The following LDLRAD4 variants were observed in gnomAD, a reference collection of about 807,000 sequenced individuals.
The protein encoded by LDLRAD4 is low density lipoprotein receptor class A domain containing 4, also known as low-density lipoprotein receptor class A domain-containing protein 4.
Under a neutral mutation model 17.0 loss-of-function variants are expected in LDLRAD4, and 5 were observed. That is an observed-to-expected ratio of 0.29 (90% CI 0.15 to 0.62). The LOEUF (loss-of-function observed/expected upper bound fraction) is 0.62. Among genes scored for constraint, LDLRAD4 ranks in the 20% least tolerant of loss-of-function variants. The pLI is 0.84. For missense variants in LDLRAD4, 340 were observed against 424.7 expected (o/e 0.80, Z 1.75); for synonymous variants, 168 against 171.8 (o/e 0.98, Z 0.17).
chr18:13,554,496 A>T (rs763784690), intron 3 of LDLRAD4, among the ~76,000 whole-genome samples: 3 of 152,054 alleles, frequency 2.0e-5, no homozygotes, highest in Non-Finnish European at 4.4e-5. Flanking sequence ...GTCAGGTCTC[A>T]TGTGTAAGGG....
chr18:13,445,961 ATAT>A (rs1446459282), intron 3 of LDLRAD4, among the ~76,000 whole-genome samples: 1 of 152,156 alleles, frequency 6.6e-6, no homozygotes, highest in African/African-American at 2.4e-5. Flanking sequence ...AATGAGGATA[ATAT>A]TGGTATCTCT....
chr18:13,531,846 GGGAGCGGCCATATGCA>G (rs1301241273), intron 3 of LDLRAD4, among the ~76,000 whole-genome samples: 6 of 152,142 alleles, frequency 3.9e-5, no homozygotes, highest in East Asian at 3.9e-4. Context: ...CTCTGAGGGC[GGGAGCGGCCATATGCA>G]GGAGGCTGCG....
intron 3 of LDLRAD4, among the ~76,000 whole-genome samples, chr18:13,485,097 G>A (rs184201778): frequency 4.2e-4 from 64 of 152,280 alleles, no homozygotes; most frequent in Admixed American, 1.1e-3. Context: ...CTAGGACTTC[G>A]CTAAGTATTG....
intron 3 of LDLRAD4, among the ~76,000 whole-genome samples, chr18:13,475,113 C>A (rs977001573): frequency 2.6e-5 from 4 of 152,206 alleles, no homozygotes; most frequent in African/African-American, 9.6e-5. Flanking sequence ...GTGGAGCAGA[C>A]AGGAGCCTCA....
At chr18:13,255,960 C>T (rs2145881366) in intron 1 of LDLRAD4, among the ~76,000 whole-genome samples, 1 of 152,298 alleles carries the variant, frequency 6.6e-6, no homozygotes. Flanking sequence ...TGACTTTTAT[C>T]ACTCTTGTTC....
At chr18:13,544,470 A>G (rs1278985989) in intron 3 of LDLRAD4, among the ~76,000 whole-genome samples, 1 of 152,238 alleles carries the variant, frequency 6.6e-6, no homozygotes, top group African/African-American at 2.4e-5. Flanking sequence ...GGGTACAAAG[A>G]TGTGTTTTCA....
intron 3 of LDLRAD4, among the ~76,000 whole-genome samples, chr18:13,507,323 C>T (rs2093710096): frequency 6.6e-6 from 1 of 152,146 alleles, no homozygotes; most frequent in South Asian, 2.1e-4. Context: ...ACCCTCCTCC[C>T]AACTTCCCCG....
intron 2 of LDLRAD4, among the ~76,000 whole-genome samples, chr18:13,432,142 G>A (rs1040940668): frequency 6.6e-6 from 1 of 152,204 alleles, no homozygotes; most frequent in African/African-American, 2.4e-5. Flanking sequence ...TTCCCCAGGG[G>A]AGTGAGTGCG....
At chr18:13,321,005 G>A (rs1200661164) in intron 1 of LDLRAD4, among the ~76,000 whole-genome samples, 1 of 152,218 alleles carries the variant, frequency 6.6e-6, no homozygotes, top group Non-Finnish European at 1.5e-5. Context: ...GTTTCAGTGA[G>A]CCCTAGTGAG....
At chr18:13,307,837 C>G (rs558477692) in intron 1 of LDLRAD4, among the ~76,000 whole-genome samples, 1 of 152,052 alleles carries the variant, frequency 6.6e-6, no homozygotes, top group Admixed American at 6.6e-5. Context: ...TTATATTATC[C>G]GTAATGGTCA....
At chr18:13,427,272 AT>A (rs1327098716) in intron 2 of LDLRAD4, 2 of 152,594 alleles carry the variant, frequency 1.3e-5, no homozygotes, top group Non-Finnish European at 2.9e-5. Flanking sequence ...ACGTTTTCAA[AT>A]TTCATAAAGT....
chr18:13,441,320 C>A (rs2091008722), intron 3 of LDLRAD4, among the ~76,000 whole-genome samples: 1 of 152,230 alleles, frequency 6.6e-6, no homozygotes, highest in South Asian at 2.1e-4. Context: ...AGGCAGACAG[C>A]CTGCCTTTCA....
At chr18:13,544,786 G>A (rs1385742265) in intron 3 of LDLRAD4, among the ~76,000 whole-genome samples, 1 of 151,936 alleles carries the variant, frequency 6.6e-6, no homozygotes, top group Admixed American at 6.6e-5. Flanking sequence ...ACAGACCAAG[G>A]AGAGGCTAGG....
chr18:13,396,942 C>G (rs2086750517), intron 2 of LDLRAD4, among the ~76,000 whole-genome samples: 1 of 152,154 alleles, frequency 6.6e-6, no homozygotes, highest in Non-Finnish European at 1.5e-5. Context: ...TTCTAGATGC[C>G]ATATTGTATT....
At chr18:13,556,578 C>T (rs1056587618) in intron 3 of LDLRAD4, among the ~76,000 whole-genome samples, 16 of 152,172 alleles carry the variant, frequency 1.1e-4, no homozygotes, top group African/African-American at 3.9e-4. Flanking sequence ...GAAATAACTT[C>T]TGCCTTAGAG....
chr18:13,621,407 C>G lies in LDLRAD4; in HGVS notation c.336+136C>G. The G allele has an allele frequency of 1.5e-6, 1 of 660,492 alleles. No individual in the cohort carries two copies. The highest frequency in any genetic ancestry group is 2.7e-6 in the Non-Finnish European group (1 of 375,630). 40.9% of individuals were successfully genotyped at this position (660,492 alleles called of 1,614,324 possible). ...CGAAGCGCACCTCGTAAGTGTTCCA[C>G]TTAGTGAGTCCCCACAAACTGAACA... On this transcript the variant is annotated intron_variant, in intron 4 of 5. Transcript: ENST00000359446. The surrounding 1 kb of genome is among the most constrained non-coding windows in gnomAD (Gnocchi z 5.5).
chr18:13,308,629 A>C (rs2047052219), intron 1 of LDLRAD4, among the ~76,000 whole-genome samples: 1 of 152,206 alleles, frequency 6.6e-6, no homozygotes, highest in South Asian at 2.1e-4. Context: ...ATCTAAACAT[A>C]GTTTGAATTT....
At chr18:13,247,610 C>G (rs1305209912) in intron 1 of LDLRAD4, among the ~76,000 whole-genome samples, 1 of 152,102 alleles carries the variant, frequency 6.6e-6, no homozygotes, top group East Asian at 1.9e-4. Context: ...CAGCCATGTT[C>G]CGCTTGTCGT....
At chr18:13,552,758 T>C (rs1203469830) in intron 3 of LDLRAD4, among the ~76,000 whole-genome samples, 1 of 152,204 alleles carries the variant, frequency 6.6e-6, no homozygotes, top group Non-Finnish European at 1.5e-5. Flanking sequence ...AATCTGTCCG[T>C]CTCCCTCTTC....
Sources: allele counts gnomAD v4.1 joint callset (sites outside exome capture counted in the v4.1 genomes callset), GRCh38; gene constraint gnomAD v4.1.1; non-coding constraint Gnocchi (gnomAD v3.1); transcripts MANE v1.5; gene names NCBI Gene and HGNC (gene_info 2026-07-23, HGNC 2026-07-21).